Variants in BLZF1 observed in about 807,000 individuals in gnomAD.
BLZF1 encodes the protein basic leucine zipper nuclear factor 1.
In BLZF1, 39 loss-of-function variants were observed where a neutral mutation model predicts 43.8. The ratio of observed to expected loss-of-function variants is 0.89; its 90% confidence interval spans 0.69 to 1.16. The LOEUF is 1.16. Ranked by LOEUF, BLZF1 falls within the 50% of genes most tolerant of loss-of-function variation. The probability of loss-of-function intolerance (pLI) is 0.00; values close to 1 mark genes in which losing one functional copy is unlikely to be tolerated. For missense variants in BLZF1, 449 were observed against 469.8 expected (o/e 0.96, Z 0.41); for synonymous variants, 136 against 159.4 (o/e 0.85, Z 1.11).
At chr1:169,380,640 C>T in intron 5 of BLZF1, 31 bp downstream of exon 5, 1 of 1,598,332 alleles carries the variant, frequency 6.3e-7, no homozygotes, top group Non-Finnish European at 8.5e-7. Flanking sequence ...CTGAACTCTT[C>T]TGCTTTCTCC....
downstream of BLZF1, among the ~76,000 whole-genome samples, chr1:169,391,227 G>T (rs575440845): frequency 7.2e-5 from 11 of 152,278 alleles, no homozygotes; most frequent in Admixed American, 7.2e-4. Flanking sequence ...AAGCCTAGAT[G>T]GGAAAACAAT....
chr1:169,393,515 G>A (rs1033441800), intron 7 of BLZF1, among the ~76,000 whole-genome samples: 2 of 151,542 alleles, frequency 1.3e-5, no homozygotes, highest in Non-Finnish European at 2.9e-5. Flanking sequence ...ACTTGAACCC[G>A]GGAGGTGGAG....
intron 5 of BLZF1, 29 bp from the exon 6 acceptor site, chr1:169,382,033 T>G: frequency 1.3e-6 from 2 of 1,542,334 alleles, no homozygotes; most frequent in Non-Finnish European, 1.8e-6. Flanking sequence ...TCTCTTACTA[T>G]GTCCGGTGTT....
chr1:169,377,228 T>G (rs1654387603), intron 3 of BLZF1: 1 of 456,714 alleles, frequency 2.2e-6, no homozygotes, highest in Non-Finnish European at 3.8e-6. Context: ...CACCAATAAG[T>G]TGTAAAAGTA....
At chr1:169,379,563 T>C (rs1654462729) in intron 4 of BLZF1, among the ~76,000 whole-genome samples, 1 of 152,038 alleles carries the variant, frequency 6.6e-6, no homozygotes, top group African/African-American at 2.4e-5. Flanking sequence ...AATAGTAACA[T>C]TTCATTAGAT....
downstream of BLZF1, among the ~76,000 whole-genome samples, chr1:169,392,707 T>C (rs1654844808): frequency 6.6e-6 from 1 of 152,100 alleles, no homozygotes. Flanking sequence ...AACCAAGTAA[T>C]TAGAGAGTAG....
intron 2 of BLZF1, among the ~76,000 whole-genome samples, chr1:169,372,578 A>G (rs1654158267): frequency 6.6e-6 from 1 of 152,122 alleles, no homozygotes. Context: ...ATATACTACC[A>G]TGTTTGCATT....
downstream of BLZF1, among the ~76,000 whole-genome samples, chr1:169,391,944 T>G (rs563835243): frequency 1.2e-5 from 1 of 86,690 alleles, no homozygotes; most frequent in African/African-American, 3.1e-5. Context: ...AGAATTCCTG[T>G]ATTATTTTGT....
chr1:169,372,743 C>G (rs1335361343), intron 2 of BLZF1, among the ~76,000 whole-genome samples: 3 of 152,042 alleles, frequency 2.0e-5, no homozygotes, highest in African/African-American at 4.8e-5. Flanking sequence ...TAGAGTACCT[C>G]TCATCATAGA....
downstream of BLZF1, among the ~76,000 whole-genome samples, chr1:169,389,340 C>T (rs1654762297): frequency 6.6e-6 from 1 of 151,950 alleles, no homozygotes; most frequent in Admixed American, 6.6e-5. Flanking sequence ...CCTGAATAGA[C>T]ATTTCTCCAA....
Position 169,369,758 on chromosome 1 carries a change from G to C in BLZF1, c.28+208G>C, listed in dbSNP as rs562876153. Among the ~76,000 whole-genome samples, 6 of 152,218 alleles carry C rather than the reference G, an allele frequency of 3.9e-5. No individual in the cohort carries two copies. In the South Asian group the frequency reaches 1.2e-3, roughly 32 times the overall value. On this transcript the variant is annotated intron_variant, in intron 2 of 6. Transcript: ENST00000367808. ...TAACATCATTAGTTAGAATTTATTAGGTGACTACTCTTAAACATTTAATGT... is the reference window on the plus strand; with the variant it reads ...TAACATCATTAGTTAGAATTTATTACGTGACTACTCTTAAACATTTAATGT...
chr1:169,371,015 A>G (rs959337410), intron 2 of BLZF1, among the ~76,000 whole-genome samples: 12 of 152,168 alleles, frequency 7.9e-5, no homozygotes, highest in Admixed American at 6.5e-5. Flanking sequence ...CTAGATGCCA[A>G]TTTTTCAGCA....
Position 169,376,721 on chromosome 1 carries a change from T to C in BLZF1, c.210T>C (p.Thr70=), listed in dbSNP as rs1654357536. Residue 70 remains threonine, a synonymous_variant, in exon 3 of 7, where the codon ACT becomes ACC. Transcript: ENST00000367808. ...TTCTTCAGCTAGGGAAAATGCTCAC[T>C]GAAAAAGCAATGGAAGTTAAAGCTG... ...PGVLQLGKML[T]EKAMEVKAVR... 3 of 1,613,348 alleles carry C rather than the reference T, an allele frequency of 1.9e-6. No homozygotes were observed. The highest frequency in any genetic ancestry group is 2.2e-5 in the East Asian group (1 of 44,858).
chr1:169,373,879 G>A (rs973318818), intron 2 of BLZF1, among the ~76,000 whole-genome samples: 1 of 152,116 alleles, frequency 6.6e-6, no homozygotes, highest in African/African-American at 2.4e-5. Context: ...CATAATGGAA[G>A]TATCACACCT....
downstream of BLZF1, among the ~76,000 whole-genome samples, chr1:169,389,943 G>A (rs765214973): frequency 6.6e-6 from 1 of 152,174 alleles, no homozygotes; most frequent in Admixed American, 6.5e-5. Flanking sequence ...GGACTGGAGA[G>A]AGTGTAGAAT....
At chr1:169,381,366 A>G (rs995492088) in intron 5 of BLZF1, among the ~76,000 whole-genome samples, 1 of 152,134 alleles carries the variant, frequency 6.6e-6, no homozygotes, top group African/African-American at 2.4e-5. Context: ...GCCCTAACCT[A>G]TTAAAGCAAA....
intron 2 of BLZF1, among the ~76,000 whole-genome samples, chr1:169,370,480 A>G (rs1449578235): frequency 2.6e-5 from 4 of 152,132 alleles, no homozygotes; most frequent in Non-Finnish European, 5.9e-5. Flanking sequence ...CCATGACATC[A>G]CTTTTATTTT....
intron 1 of BLZF1, among the ~76,000 whole-genome samples, chr1:169,369,044 G>A (rs970602575): frequency 6.6e-6 from 1 of 151,872 alleles, no homozygotes; most frequent in Non-Finnish European, 1.5e-5. Context: ...ATTTTTTGTC[G>A]TTTGTTAAAC....
chr1:169,383,507 A>G (rs1654584154), intron 6 of BLZF1, among the ~76,000 whole-genome samples: 2 of 152,300 alleles, frequency 1.3e-5, no homozygotes, highest in Admixed American at 1.3e-4. Flanking sequence ...AGTTGTCCAG[A>G]CATGTTTGTA....
Sources: gnomAD v4.1 joint callset for allele counts (sites outside exome capture counted in the v4.1 genomes callset) on GRCh38, gnomAD v4.1.1 for gene constraint, MANE v1.5 for transcripts, NCBI Gene and HGNC (gene_info 2026-07-23, HGNC 2026-07-21) for gene names.